Variants in AVPI1 observed in about 807,000 individuals in gnomAD.
The protein encoded by AVPI1 is arginine vasopressin-induced protein 1.
In AVPI1, 9 loss-of-function variants were observed where a neutral mutation model predicts 11.9. That is an observed-to-expected ratio of 0.76 (90% CI 0.46 to 1.32). The LOEUF (loss-of-function observed/expected upper bound fraction) is 1.32, where lower values mean the gene tolerates loss of function less well. Among genes scored for constraint, AVPI1 ranks in the 40% most tolerant of loss-of-function variants. The probability of loss-of-function intolerance (pLI) is 0.00; values close to 1 mark genes in which losing one functional copy is unlikely to be tolerated. For synonymous variants in AVPI1, 68 were observed against 78.1 expected (o/e 0.87, Z 0.68); for missense variants, 207 against 195.8 (o/e 1.06, Z -0.34).
rs1564780306 is a variant in AVPI1, at chr10:97,679,746, GT to G, written c.159del (p.Glu53AspfsTer116). 6.2e-7 allele frequency: 1 copy of G among 1,614,102 alleles called. No individual in the cohort carries two copies. The highest frequency in any genetic ancestry group is 2.2e-5 in the East Asian group (1 of 44,880). On this transcript the variant is annotated frameshift_variant, in exon 2 of 3. Coordinates refer to ENST00000370626, the MANE Select transcript of AVPI1 (RefSeq NM_021732.3). LOFTEE classifies it high-confidence loss of function. ...GCACATTCCCAGATGATCTGTGCCC[GT>G]TCCTCGGCCAGCTGGTCCCCGCTGC... ...FQRSGDQLAEERAQIIWECAG... is the reference protein window; with the variant it reads ...FQRSGDQLAEXRAQIIWECAG...
intron 1 of AVPI1, among the ~76,000 whole-genome samples, chr10:97,682,613 G>A (rs2041710437): frequency 6.6e-6 from 1 of 151,054 alleles, no homozygotes; most frequent in Admixed American, 6.6e-5. Flanking sequence ...TCCCCCCCTT[G>A]CCCTGGCCTT....
intron 2 of AVPI1, among the ~76,000 whole-genome samples, chr10:97,678,918 TGTGTGTGTGTGTGTGTGTG>T (rs2041683366): frequency 1.5e-4 from 2 of 13,096 alleles, no homozygotes; most frequent in African/African-American, 4.7e-4. Context: ...TGTGTGTGTG[TGTGTGTGTGTGTGTGTGTG>T]TGTGTGTGTG....
intron 1 of AVPI1, among the ~76,000 whole-genome samples, chr10:97,680,696 A>G (rs1355367396): frequency 6.6e-6 from 1 of 152,222 alleles, no homozygotes. Flanking sequence ...CAGTGTTTTC[A>G]ATCTATAAAA....
intron 2 of AVPI1, among the ~76,000 whole-genome samples, chr10:97,678,943 G>C (rs1283364306): frequency 7.2e-5 from 3 of 41,720 alleles, no homozygotes; most frequent in South Asian, 1.1e-3. Flanking sequence ...GTGTGTGTGT[G>C]TGTGTGTGTG....
rs1180892437 is a variant in AVPI1, at chr10:97,687,089, G to C, written c.-334C>G. On this transcript the variant is annotated 5_prime_UTR_variant, in exon 1 of 3. Transcript: ENST00000370626. The stretch of plus-strand genomic sequence containing the variant: ...GTCGCCCTCCGGCTCCCACCGCAGC[G>C]CCGAGCTGGGCCGCCGACCTACGTA... 1 of 152,332 alleles carries C rather than the reference G, an allele frequency of 6.6e-6. No homozygotes were observed. Among genetic ancestry groups the C allele is most frequent in the Non-Finnish European group, 1.5e-5 (1 of 68,156 alleles). The allele number at this position is 152,332 out of a possible 1,614,324, so 9.4% of individuals were successfully genotyped here.
chr10:97,679,746 G>A lies in AVPI1; in HGVS notation c.160C>T (p.Arg54Trp), dbSNP rs147898720. 2.5e-5 allele frequency: 41 copies of A among 1,613,984 alleles called. No individual in the cohort carries two copies. Among genetic ancestry groups the A allele is most frequent in the East Asian group, 1.8e-4 (8 of 44,892 alleles). ...GCACATTCCCAGATGATCTGTGCCC[G>A]TTCCTCGGCCAGCTGGTCCCCGCTG... is the stretch of plus-strand genomic sequence containing the variant. ...QRSGDQLAEE[R>W]AQIIWECAGD... The change falls in exon 2 of 3, where the codon CGG becomes TGG. Residue 54 changes from arginine (R) to tryptophan (W), a missense_variant. Physicochemically the swap from Arg to Trp is moderately radical, Grantham distance 101. Coordinates refer to ENST00000370626, the MANE Select transcript of AVPI1 (RefSeq NM_021732.3).
intron 1 of AVPI1, among the ~76,000 whole-genome samples, chr10:97,682,493 T>G (rs2135772197): frequency 6.6e-6 from 1 of 152,350 alleles, no homozygotes; most frequent in East Asian, 1.9e-4. Flanking sequence ...TAAAAACTTT[T>G]CCAATTTCCT....
At chr10:97,682,798 T>G (rs1229377431) in intron 1 of AVPI1, among the ~76,000 whole-genome samples, 2 of 152,250 alleles carry the variant, frequency 1.3e-5, no homozygotes, top group African/African-American at 4.8e-5. Flanking sequence ...AATTGTATTT[T>G]ATTTGGAAAA....
In AVPI1 at chr10:97,677,857, T is replaced by C. The variant is rs375917724; in HGVS notation, c.*12A>G. ...GAGGGAAGACACTGCCATTCCTGGC[T>C]CTTTCCCTGGATCAGTGTCTGATCT... On this transcript the variant is annotated 3_prime_UTR_variant, in exon 3 of 3. Coordinates refer to ENST00000370626, the MANE Select transcript of AVPI1 (RefSeq NM_021732.3). The C allele has an allele frequency of 2.5e-6, 4 of 1,613,634 alleles. No individual in the cohort carries two copies. In the East Asian group the frequency reaches 8.9e-5, roughly 36 times the overall value.
intron 2 of AVPI1, among the ~76,000 whole-genome samples, chr10:97,678,669 G>A (rs2041679011): frequency 7.4e-6 from 1 of 135,984 alleles, no homozygotes; most frequent in Non-Finnish European, 1.5e-5. Context: ...CCCCAGCCAA[G>A]ATTTTAATTA....
At chr10:97,684,497 C>CTTT (rs5787253) in intron 1 of AVPI1, among the ~76,000 whole-genome samples, 3,487 of 117,472 alleles carry the variant, frequency 0.03, 179 homozygotes, top group African/African-American at 0.051. Context: ...TCTTTTTACT[C>CTTT]TTTTTTTTTT....
chr10:97,685,225 A>G (rs1408388587), intron 1 of AVPI1, among the ~76,000 whole-genome samples: 1 of 152,246 alleles, frequency 6.6e-6, no homozygotes, highest in Non-Finnish European at 1.5e-5. Context: ...GTGAACCCCA[A>G]AGGAAATACC....
In AVPI1 at chr10:97,677,931, TG is replaced by T; in HGVS notation, c.381del (p.Arg128GlyfsTer41). Reference sequence around the variant, plus strand: ...GACTTCCTCCAGTTCCGGCGGATCCTGGCACTTTTCTTCCTAGAGTGCAGAT... The same window carrying T: ...GACTTCCTCCAGTTCCGGCGGATCCTGCACTTTTCTTCCTAGAGTGCAGAT... The part of the protein sequence containing the change: ...EQYLHSRKKS[A>X]RIRRNWRKSG... On this transcript the variant is annotated frameshift_variant, in exon 3 of 3. Transcript: ENST00000370626. LOFTEE classifies it high-confidence loss of function. 6.2e-7 allele frequency: 1 copy of T among 1,614,180 alleles called. No homozygotes were observed. Among genetic ancestry groups the T allele is most frequent in the East Asian group, 2.2e-5 (1 of 44,882 alleles).
rs767208998 is a variant in AVPI1, at chr10:97,679,724, C to T, written c.182G>A (p.Cys61Tyr). 1.1e-5 allele frequency: 17 copies of T among 1,614,172 alleles called. No homozygotes were observed. In the South Asian group the frequency reaches 1.1e-4, roughly 10 times the overall value. ...AEERAQIIWE[C>Y]AGDHRVAEAL... ...CTCAGCCACACGGTGGTCCCCTGCA[C>T]ATTCCCAGATGATCTGTGCCCGTTC... Residue 61 changes from cysteine to tyrosine, a missense_variant, in exon 2 of 3, where the codon TGT becomes TAT. Cys to Tyr is a radical substitution (Grantham distance 194). Coordinates refer to ENST00000370626, the MANE Select transcript of AVPI1 (RefSeq NM_021732.3).
Position 97,679,889 on chromosome 10 carries a change from G to A in AVPI1, c.17C>T (p.Ser6Leu), listed in dbSNP as rs757387837. 3.2e-6 allele frequency: 5 copies of A among 1,582,712 alleles called. No homozygotes were observed. In the East Asian group the frequency reaches 9.1e-5, roughly 29 times the overall value. MGTPA[S>L]VVSEPPPWQA... Reference sequence around the variant, plus strand: ...CCAAGGGGGTGGCTCACTGACCACCGAGGCTGGGGTACCCATTGTGGATGC... The same window carrying A: ...CCAAGGGGGTGGCTCACTGACCACCAAGGCTGGGGTACCCATTGTGGATGC... Residue 6 changes from serine to leucine, a missense_variant, in exon 2 of 3, where the codon TCG (serine) becomes TTG (leucine). Ser to Leu is a moderately radical substitution (Grantham distance 145, BLOSUM62 -2). Transcript: ENST00000370626.
chr10:97,679,722 C>A lies in AVPI1; in HGVS notation c.184G>T (p.Ala62Ser), dbSNP rs374648853. 1.9e-6 allele frequency: 3 copies of A among 1,614,028 alleles called. No individual in the cohort carries two copies. The African/African-American group carries it at 4.0e-5, about 22-fold the overall frequency. ...GCCTCAGCCACACGGTGGTCCCCTG[C>A]ACATTCCCAGATGATCTGTGCCCGT... ...EERAQIIWEC[A>S]GDHRVAEALK... is the part of the protein sequence containing the mutation. The change falls in exon 2 of 3, where the codon GCA becomes TCA. Residue 62 changes from alanine (A) to serine (S), a missense_variant. Physicochemically the swap from Ala to Ser is moderately conservative, Grantham distance 99. Transcript: ENST00000370626.
chr10:97,685,744 T>C (rs957128477), intron 1 of AVPI1, among the ~76,000 whole-genome samples: 2 of 152,166 alleles, frequency 1.3e-5, no homozygotes, highest in Non-Finnish European at 2.9e-5. Flanking sequence ...CAGCAGGGCC[T>C]AGCCTCAGGG....
In AVPI1 at chr10:97,687,037, C is replaced by T. The variant is rs1262950597; in HGVS notation, c.-282G>A. The T allele has an allele frequency of 6.6e-6, 1 of 152,292 alleles. No individual in the cohort carries two copies. The allele number at this position is 152,292 out of a possible 1,614,324, so 9.4% of individuals were successfully genotyped here. On this transcript the variant is annotated 5_prime_UTR_variant, in exon 1 of 3. Transcript: ENST00000370626. Reference sequence around the variant, plus strand: ...GGGTCCTAAGTGGATCTGGCGGTCGCGTCCCGCTGGCACCCCGGCTCTGAC... The same window carrying T: ...GGGTCCTAAGTGGATCTGGCGGTCGTGTCCCGCTGGCACCCCGGCTCTGAC...
In AVPI1 at chr10:97,679,750, C is replaced by G. The variant is rs1456069290; in HGVS notation, c.156G>C (p.Glu52Asp). ...ATTCCCAGATGATCTGTGCCCGTTC[C>G]TCGGCCAGCTGGTCCCCGCTGCGTT... ...LFQRSGDQLA[E>D]ERAQIIWECA... Residue 52 changes from glutamate (E) to aspartate (D), a missense_variant, in exon 2 of 3, where the codon GAG (glutamate) becomes GAC (aspartate). Transcript: ENST00000370626. 6 of 1,614,040 alleles carry G rather than the reference C, an allele frequency of 3.7e-6. No individual in the cohort carries two copies. The African/African-American group carries it at 8.0e-5, about 22-fold the overall frequency.
Sources: gnomAD v4.1 joint callset for allele counts (sites outside exome capture counted in the v4.1 genomes callset) on GRCh38, gnomAD v4.1.1 for gene constraint, MANE v1.5 for transcripts, NCBI Gene and HGNC (gene_info 2026-07-23, HGNC 2026-07-21) for gene names.